Variants in ALDH6A1 observed in about 807,000 individuals in gnomAD.
The protein encoded by ALDH6A1 is aldehyde dehydrogenase 6 family member A1.
ALDH6A1 carries 43 observed loss-of-function variants against 62.6 expected under a neutral mutation model. The observed-to-expected ratio is 0.69, with a 90% CI of 0.54 to 0.89. The LOEUF is 0.89. Among genes scored for constraint, ALDH6A1 ranks in the 40% least tolerant of loss-of-function variants. ALDH6A1 has a pLI of 0.00. For synonymous variants in ALDH6A1, 194 were observed against 234.2 expected (o/e 0.83, Z 1.57); for missense variants, 551 against 661.3 (o/e 0.83, Z 1.83).
chr14:74,064,617 C>CTT, intron 11 of ALDH6A1: 1 of 1,481,650 alleles, frequency 6.7e-7, no homozygotes. Context: ...TTCCTCAAAA[C>CTT]TTTGTTGCTT....
intron 2 of ALDH6A1, among the ~76,000 whole-genome samples, chr14:74,074,572 G>C (rs1461316736): frequency 1.3e-5 from 2 of 152,102 alleles, no homozygotes; most frequent in Non-Finnish European, 2.9e-5. Flanking sequence ...AATTTTTAAA[G>C]CGGTCTATGA....
chr14:74,074,912 G>A, intron 2 of ALDH6A1, 43 bp downstream of exon 2: 2 of 1,585,334 alleles, frequency 1.3e-6, no homozygotes, highest in Non-Finnish European at 8.7e-7. Flanking sequence ...AAACTATACT[G>A]AATTCCTTCT....
intron 9 of ALDH6A1, among the ~76,000 whole-genome samples, chr14:74,066,282 C>T (rs529689153): frequency 6.6e-6 from 1 of 151,998 alleles, no homozygotes; most frequent in South Asian, 2.1e-4. Flanking sequence ...TGTACAGCCC[C>T]AAGTTAAAAA....
chr14:74,079,724 G>A (rs1190742073), intron 1 of ALDH6A1, among the ~76,000 whole-genome samples: 4 of 152,064 alleles, frequency 2.6e-5, no homozygotes, highest in South Asian at 2.1e-4. Flanking sequence ...GAGCCACTGC[G>A]CCTGGCCTAA....
chr14:74,079,732 T>C (rs913774933), intron 1 of ALDH6A1, among the ~76,000 whole-genome samples: 1 of 152,162 alleles, frequency 6.6e-6, no homozygotes, highest in Admixed American at 6.5e-5. Context: ...GCGCCTGGCC[T>C]AATTTTTTGT....
At chr14:74,068,599 C>T (rs1391426102) in intron 7 of ALDH6A1, among the ~76,000 whole-genome samples, 4 of 151,544 alleles carry the variant, frequency 2.6e-5, no homozygotes, top group South Asian at 2.1e-4. Context: ...AAAAATTAGC[C>T]GGGCGCTGTG....
In ALDH6A1 at chr14:74,057,004, A is replaced by G. The variant is rs766586101; in HGVS notation, c.*3638T>C. The stretch of plus-strand genomic sequence containing the variant: ...GGGTAAGAGCTCTCTTGCTTAAGTA[A>G]TAAACATGAGCCCAACACGATGGTT... On this transcript the variant is annotated 3_prime_UTR_variant, in exon 12 of 12. Transcript: ENST00000553458. 1.1e-5 allele frequency: 17 copies of G among 1,599,874 alleles called. No homozygotes were observed. The highest frequency in any genetic ancestry group is 4.0e-5 in the African/African-American group (3 of 74,490).
At chr14:74,063,929 G>GCA (rs2060406828) in intron 11 of ALDH6A1, among the ~76,000 whole-genome samples, 1 of 151,792 alleles carries the variant, frequency 6.6e-6, no homozygotes, top group African/African-American at 2.4e-5. Flanking sequence ...GCTTAGCTGG[G>GCA]ATTTGAACAC....
chr14:74,060,370 A>G lies in ALDH6A1; in HGVS notation c.*272T>C. The G allele has an allele frequency of 2.6e-6, 1 of 385,448 alleles. No homozygotes were observed. The highest frequency in any genetic ancestry group is 4.8e-6 in the Non-Finnish European group (1 of 206,640). 23.9% of individuals were successfully genotyped at this position (385,448 alleles called of 1,614,324 possible). A position where few individuals can be genotyped will look rare whatever the true frequency, so the allele number is the denominator to read the frequency against. ...TCAGAAAATGGGATAATTTTTAGAA[A>G]TCAGGTTTAAGCACTACTTTCAGAT... On this transcript the variant is annotated 3_prime_UTR_variant, in exon 12 of 12. Transcript: ENST00000553458.
rs1536 is a variant in ALDH6A1, at chr14:74,057,826, A to G, written c.*2816T>C. The stretch of plus-strand genomic sequence containing the variant: ...GATGAGTTTTTTTCATCTAAGAAAT[A>G]AGAAACTCTGAGCAGCAAATAGTTG... On this transcript the variant is annotated 3_prime_UTR_variant, in exon 12 of 12. Transcript: ENST00000553458. The G allele has an allele frequency of 0.14, 143,316 of 1,032,704 alleles. 10,714 individuals are homozygous for G. The highest frequency in any genetic ancestry group is 0.2 in the Admixed American group (3,723 of 18,546). The allele number at this position is 1,032,704 out of a possible 1,614,324, so 64.0% of individuals were successfully genotyped here.
In ALDH6A1 at chr14:74,068,902, G is replaced by A. The variant is rs758950271; in HGVS notation, c.810C>T (p.Phe270=). 5.0e-6 allele frequency: 8 copies of A among 1,613,920 alleles called. No individual in the cohort carries two copies. The Admixed American group carries it at 5.0e-5, about 10-fold the overall frequency. ...TCTTGCCATGTCTTGATCCTCTCTC[G>A]AAGATATACTCTCCTGCCTTGTTGG... ...VGSNKAGEYI[F]ERGSRHGKRV... The change falls in exon 7 of 12, where the codon TTC becomes TTT. Residue 270 remains phenylalanine, a synonymous_variant. Coordinates refer to ENST00000553458, the MANE Select transcript of ALDH6A1 (RefSeq NM_005589.4).
intron 1 of ALDH6A1, among the ~76,000 whole-genome samples, chr14:74,077,475 C>T (rs72627152): frequency 0.17 from 25,306 of 152,058 alleles, 2,614 homozygotes; most frequent in East Asian, 0.57. Flanking sequence ...TAGCTTCTGG[C>T]GAGGGCTTCT....
At chr14:74,074,229 A>G (rs1332292578) in intron 2 of ALDH6A1, among the ~76,000 whole-genome samples, 1 of 151,676 alleles carries the variant, frequency 6.6e-6, no homozygotes, top group Non-Finnish European at 1.5e-5. Context: ...CACCTGCCTC[A>G]GCCTCCCAAA....
At position 74,058,637 on chromosome 14, in the gene ALDH6A1, T is replaced by A. The variant is rs945775866; in HGVS notation, c.*2005A>T. The A allele has an allele frequency of 3.3e-5, 5 of 151,452 alleles. No individual in the cohort carries two copies. The highest frequency in any genetic ancestry group is 9.7e-5 in the African/African-American group (4 of 41,160). The allele number at this position is 151,452 out of a possible 1,614,324, so 9.4% of individuals were successfully genotyped here. A position where few individuals can be genotyped will look rare whatever the true frequency, so the allele number is the denominator to read the frequency against. On this transcript the variant is annotated 3_prime_UTR_variant, in exon 12 of 12. Transcript: ENST00000553458. ...ATACTTAATTCATGAATAACCCCCATAGTGTAGGTTAGTTAGCACTATCAA... is the reference window on the plus strand; with the variant it reads ...ATACTTAATTCATGAATAACCCCCAAAGTGTAGGTTAGTTAGCACTATCAA...
chr14:74,068,962 A>T lies in ALDH6A1; in HGVS notation c.750T>A (p.Asp250Glu), dbSNP rs1376019750. 1 of 1,614,092 alleles carries T rather than the reference A, an allele frequency of 6.2e-7. No individual in the cohort carries two copies. Among genetic ancestry groups the T allele is most frequent in the South Asian group, 1.1e-5 (1 of 91,088 alleles). The stretch of plus-strand genomic sequence containing the variant: ...AGCTGATTGCTTTGATGTCCGGATG[A>T]TCGCAAATAAAATTTACAGCTTTAA... ...GQHEAVNFIC[D>E]HPDIKAISFV... is the part of the protein sequence containing the mutation. The change falls in exon 7 of 12, where the codon GAT becomes GAA. Residue 250 changes from aspartate to glutamate, a missense_variant. Coordinates refer to ENST00000553458, the MANE Select transcript of ALDH6A1 (RefSeq NM_005589.4).
chr14:74,067,638 G>A, intron 7 of ALDH6A1, 69 bp from the exon 8 acceptor site: 1 of 1,535,042 alleles, frequency 6.5e-7, no homozygotes, highest in Non-Finnish European at 9.0e-7. Flanking sequence ...AAATTAAGCA[G>A]TGGACCAGGT....
intron 1 of ALDH6A1, among the ~76,000 whole-genome samples, chr14:74,080,368 C>CTTTTT (rs35450547): frequency 1.6e-5 from 2 of 128,992 alleles, no homozygotes; most frequent in Non-Finnish European, 3.2e-5. Flanking sequence ...TAAACTCTTT[C>CTTTTT]TTTTTTTTTT....
In ALDH6A1 at chr14:74,067,647, G is replaced by A. The variant is rs769798738; in HGVS notation, c.853-78C>T. ...GCTAAGAAATTAAGCAGTGGACCAG[G>A]TGTGGTGGCTAATGCCTGTAATCCC... is the stretch of plus-strand genomic sequence containing the variant. On this transcript the variant is annotated intron_variant, in intron 7 of 11. Transcript: ENST00000553458. 10 of 1,484,168 alleles carry A rather than the reference G, an allele frequency of 6.7e-6. No homozygotes were observed. The Admixed American group carries it at 1.5e-4, about 23-fold the overall frequency. 91.9% of individuals were successfully genotyped at this position (1,484,168 alleles called of 1,614,324 possible).
chr14:74,065,218 GTGGCTCCATTGGTGGTGAAGA>G lies in ALDH6A1; in HGVS notation c.1346_1366del (p.Ile449_Ala455del). On this transcript the variant is annotated inframe_deletion, in exon 10 of 12. Transcript: ENST00000553458. ...CACCAAGTGGGCATATTTCCGAGCA[GTGGCTCCATTGGTGGTGAAGA>G]TGGCAGTTCCATTTCCATATGGGTT... 2 of 1,614,164 alleles carry G rather than the reference GTGGCTCCATTGGTGGTGAAGA, an allele frequency of 1.2e-6. No homozygotes were observed. Among genetic ancestry groups the G allele is most frequent in the Non-Finnish European group, 1.7e-6 (2 of 1,180,022 alleles).
Sources: allele counts gnomAD v4.1 joint callset (sites outside exome capture counted in the v4.1 genomes callset), GRCh38; gene constraint gnomAD v4.1.1; transcripts MANE v1.5; gene names NCBI Gene and HGNC (gene_info 2026-07-23, HGNC 2026-07-21).